EMC10: variants seen among roughly 807,000 people sequenced by gnomAD.
The protein encoded by EMC10 is ER membrane protein complex subunit 10.
A neutral mutation model predicts 32.2 loss-of-function variants in EMC10; 40 were observed. The observed-to-expected ratio is 1.24, with a 90% confidence interval of 0.96 to 1.61. The LOEUF is 1.61. Among genes scored for constraint, EMC10 ranks in the 40% most tolerant of loss-of-function variants. The probability of loss-of-function intolerance (pLI) is 0.00; values close to 1 mark genes in which losing one functional copy is unlikely to be tolerated. For missense variants in EMC10, 402 were observed against 357.7 expected (o/e 1.12, Z -1.00); for synonymous variants, 178 against 158.4 (o/e 1.12, Z -0.93).
At chr19:50,479,833 C>T (rs977601933) in intron 3 of EMC10, among the ~76,000 whole-genome samples, 8 of 152,256 alleles carry the variant, frequency 5.3e-5, no homozygotes, top group Admixed American at 2.0e-4. Context: ...ACAGGGAAGG[C>T]GTCCTCAGGA....
Position 50,482,718 on chromosome 19 carries a change from C to T in EMC10, c.*459C>T, listed in dbSNP as rs1039321203. The T allele has an allele frequency of 1.7e-5, 8 of 479,834 alleles. No homozygotes were observed. Among genetic ancestry groups the T allele is most frequent in the Non-Finnish European group, 2.9e-5 (8 of 273,110 alleles). The allele number at this position is 479,834 out of a possible 1,614,324, so 29.7% of individuals were successfully genotyped here. A position where few individuals can be genotyped will look rare whatever the true frequency, so the allele number is the denominator to read the frequency against. ...TCCTGCAGCGCCCCCCTCACTTTGA[C>T]ACTGGACTAGGATGCAGCCTCCCTT... On this transcript the variant is annotated 3_prime_UTR_variant, in exon 7 of 7. Transcript: ENST00000334976.
rs1978492457 is a variant in EMC10 at position 50,488,906 on chromosome 19, G to A, written c.*6647G>A. The A allele has an allele frequency of 6.6e-6, 1 of 150,464 alleles. No homozygotes were observed. Among genetic ancestry groups the A allele is most frequent in the Admixed American group, 6.7e-5 (1 of 14,932 alleles). 9.3% of individuals were successfully genotyped at this position (150,464 alleles called of 1,614,324 possible). The stretch of plus-strand genomic sequence containing the variant: ...GCGAGAAAAAGAGAACAGGAAGAGG[G>A]GAAAAGAGAAGAAATGGGAGAGGGA... On this transcript the variant is annotated 3_prime_UTR_variant, in exon 7 of 7. Coordinates refer to ENST00000334976, the MANE Select transcript of EMC10 (RefSeq NM_206538.4).
Position 50,481,381 on chromosome 19 carries a change from C to T in EMC10, c.678+404C>T, listed in dbSNP as rs374029182. 1.8e-4 allele frequency: 39 copies of T among 218,360 alleles called. No homozygotes were observed. The South Asian group carries it at 4.4e-3, about 25-fold the overall frequency. 13.5% of individuals were successfully genotyped at this position (218,360 alleles called of 1,614,324 possible). A position where few individuals can be genotyped will look rare whatever the true frequency, so the allele number is the denominator to read the frequency against. On this transcript the variant is annotated intron_variant, in intron 6 of 6. Transcript: ENST00000334976. ...GTGGCCCAGGGAGGGGCATTGGGGG[C>T]AGCAGGGTGCCTGGGAGGCCTCCTG...
rs1222321100 is a variant in EMC10 at position 50,488,488 on chromosome 19, G to C, written c.*6229G>C. ...AGAGGGTGGGTGCCATGGCTGGTGA[G>C]CTCGGAGAAGAGGGAAGCAGAGAAA... On this transcript the variant is annotated 3_prime_UTR_variant, in exon 7 of 7. Coordinates refer to ENST00000334976, the MANE Select transcript of EMC10 (RefSeq NM_206538.4). The C allele has an allele frequency of 6.8e-6, 1 of 148,012 alleles. No homozygotes were observed. Among genetic ancestry groups the C allele is most frequent in the Non-Finnish European group, 1.5e-5 (1 of 67,142 alleles). The allele number at this position is 148,012 out of a possible 1,614,324, so 9.2% of individuals were successfully genotyped here.
chr19:50,480,245 C>A lies in EMC10; in HGVS notation c.402+30C>A. On this transcript the variant is annotated intron_variant, in intron 4 of 6. Transcript: ENST00000334976. The surrounding 1 kb of genome is among the most constrained non-coding windows in gnomAD (Gnocchi z 4.4). ...GTTGGTGTCGGGGATGAGCCCCCTT[C>A]TCCCTCGTCCTCCTCATCCCCTACC... The A allele has an allele frequency of 6.4e-7, 1 of 1,574,254 alleles. No individual in the cohort carries two copies. The highest frequency in any genetic ancestry group is 8.7e-7 in the Non-Finnish European group (1 of 1,149,276).
Position 50,476,586 on chromosome 19 carries a change from C to T in EMC10, c.42C>T (p.Leu14=). ...CTGGGGCAACCCGGCTGCTCCTGCTCTTGCTGATGGCGGTAGCAGCGCCCA... is the reference window on the plus strand; with the variant it reads ...CTGGGGCAACCCGGCTGCTCCTGCTTTTGCTGATGGCGGTAGCAGCGCCCA... ...ASAGATRLLL[L]LLMAVAAPSR... The change falls in exon 1 of 7, where the codon CTC becomes CTT. Residue 14 remains leucine (L), a synonymous_variant. Transcript: ENST00000334976. The T allele has an allele frequency of 6.3e-7, 1 of 1,575,872 alleles. No homozygotes were observed. The highest frequency in any genetic ancestry group is 8.6e-7 in the Non-Finnish European group (1 of 1,166,500).
rs891909792 is a variant in EMC10 at position 50,485,766 on chromosome 19, C to T, written c.*3507C>T. 2 of 151,414 alleles carry T rather than the reference C, an allele frequency of 1.3e-5. No homozygotes were observed. The highest frequency in any genetic ancestry group is 2.9e-5 in the Non-Finnish European group (2 of 68,468). The allele number at this position is 151,414 out of a possible 1,614,324, so 9.4% of individuals were successfully genotyped here. On this transcript the variant is annotated 3_prime_UTR_variant, in exon 7 of 7. Coordinates refer to ENST00000334976, the MANE Select transcript of EMC10 (RefSeq NM_206538.4). ...GAGCTGACCTCACTACTCCCCTGCT[C>T]ACAGCCCTCCGCGTGGCCTCTCACC... is the stretch of plus-strand genomic sequence containing the variant.
At position 50,480,986 on chromosome 19, in the gene EMC10, G is replaced by T. The variant is rs371046380; in HGVS notation, c.678+9G>T. 3.8e-6 allele frequency: 6 copies of T among 1,599,628 alleles called. No individual in the cohort carries two copies. Among genetic ancestry groups the T allele is most frequent in the Non-Finnish European group, 5.1e-6 (6 of 1,170,498 alleles). On this transcript the variant is annotated intron_variant, in intron 6 of 6. Transcript: ENST00000334976. This position sits in a 1 kb window ranked among gnomAD's most constrained non-coding sequence, Gnocchi z 4.4. The stretch of plus-strand genomic sequence containing the variant: ...CCTTCTTCGCCAAATACGTGAGTGG[G>T]GCTCCCCCGCCTCCCCTATTCCCTT...
chr19:50,480,873 C>T lies in EMC10; in HGVS notation c.585-11C>T. 1.3e-6 allele frequency: 2 copies of T among 1,596,828 alleles called. No individual in the cohort carries two copies. The highest frequency in any genetic ancestry group is 1.7e-6 in the Non-Finnish European group (2 of 1,168,770). Reference sequence around the variant, plus strand: ...GGGCCTCACCCTTCTCCTCCTCTCCCCTTGCCCCAGCCCTGAGACGGCGGC... The same window carrying T: ...GGGCCTCACCCTTCTCCTCCTCTCCTCTTGCCCCAGCCCTGAGACGGCGGC... On this transcript the variant is annotated splice_polypyrimidine_tract_variant and intron_variant, in intron 5 of 6. Coordinates refer to ENST00000334976, the MANE Select transcript of EMC10 (RefSeq NM_206538.4). This position sits in a 1 kb window ranked among gnomAD's most constrained non-coding sequence, Gnocchi z 4.4.
In EMC10 at chr19:50,490,119, A is replaced by G. The variant is rs1190275767; in HGVS notation, c.*7860A>G. ...TAGGAACCTGGATAAAATAGTCTTA[A>G]CAATTTTTTTTTTGAGACGGAGTCT... is the stretch of plus-strand genomic sequence containing the variant. On this transcript the variant is annotated 3_prime_UTR_variant, in exon 7 of 7. Transcript: ENST00000334976. 3 of 76,256 alleles carry G rather than the reference A, an allele frequency of 3.9e-5. No homozygotes were observed. The highest frequency in any genetic ancestry group is 4.8e-4 in the South Asian group (1 of 2,080). 4.7% of individuals were successfully genotyped at this position (76,256 alleles called of 1,614,324 possible).
chr19:50,484,011 A>G lies in EMC10; in HGVS notation c.*1752A>G, dbSNP rs1601330573. The G allele has an allele frequency of 1.2e-5, 1 of 84,496 alleles. No homozygotes were observed. Among genetic ancestry groups the G allele is most frequent in the African/African-American group, 4.3e-5 (1 of 23,128 alleles). The allele number at this position is 84,496 out of a possible 1,614,324, so 5.2% of individuals were successfully genotyped here. ...TTCCTAGAGGATTCCAGAAATATTT[A>G]CTAATGCTTTTTTTTTTTTTTTTTT... On this transcript the variant is annotated 3_prime_UTR_variant, in exon 7 of 7. Coordinates refer to ENST00000334976, the MANE Select transcript of EMC10 (RefSeq NM_206538.4).
rs1978588164 is a variant in EMC10 at position 50,490,673 on chromosome 19, C to G, written c.*8414C>G. Reference sequence around the variant, plus strand: ...CGGAGGAACATGCCCTCCGCCTAGTCCCTGACATCCTTTTCACATCCAACA... The same window carrying G: ...CGGAGGAACATGCCCTCCGCCTAGTGCCTGACATCCTTTTCACATCCAACA... On this transcript the variant is annotated 3_prime_UTR_variant, in exon 7 of 7. Coordinates refer to ENST00000334976, the MANE Select transcript of EMC10 (RefSeq NM_206538.4). 6.6e-6 allele frequency: 1 copy of G among 152,036 alleles called. No individual in the cohort carries two copies. The highest frequency in any genetic ancestry group is 1.5e-5 in the Non-Finnish European group (1 of 68,028). 9.4% of individuals were successfully genotyped at this position (152,036 alleles called of 1,614,324 possible).
At chr19:50,478,868 G>A (rs899365109) in intron 2 of EMC10, 89 bp from the exon 3 acceptor site, 19 of 1,020,806 alleles carry the variant, frequency 1.9e-5, no homozygotes, top group Admixed American at 1.3e-4. Flanking sequence ...TGGAGGCCAG[G>A]CCAAAATTTG....
Position 50,487,493 on chromosome 19 carries a change from A to C in EMC10, c.*5234A>C, listed in dbSNP as rs1008178844. The C allele has an allele frequency of 3.3e-5, 5 of 152,398 alleles. No homozygotes were observed. Among genetic ancestry groups the C allele is most frequent in the Non-Finnish European group, 7.3e-5 (5 of 68,172 alleles). The allele number at this position is 152,398 out of a possible 1,614,324, so 9.4% of individuals were successfully genotyped here. A position where few individuals can be genotyped will look rare whatever the true frequency, so the allele number is the denominator to read the frequency against. ...GGCCTGATTCCTCCAGGCAGTGTCC[A>C]GAGTTCCGGACAGATGGAAAAGGAA... On this transcript the variant is annotated 3_prime_UTR_variant, in exon 7 of 7. Coordinates refer to ENST00000334976, the MANE Select transcript of EMC10 (RefSeq NM_206538.4).
rs886805406 is a variant in EMC10 at position 50,479,016 on chromosome 19, T to G, written c.247T>G (p.Leu83Val). 1 of 1,611,332 alleles carries G rather than the reference T, an allele frequency of 6.2e-7. No individual in the cohort carries two copies. The highest frequency in any genetic ancestry group is 8.5e-7 in the Non-Finnish European group (1 of 1,179,588). Residue 83 changes from leucine to valine, a missense_variant, in exon 3 of 7, where the codon TTG (leucine) becomes GTG (valine). Leu to Val is a conservative substitution (Grantham distance 32). Transcript: ENST00000334976. ...SLLWNQQDGTLSLSQRQLSEE... is the reference protein window; with the variant it reads ...SLLWNQQDGTVSLSQRQLSEE... Reference sequence around the variant, plus strand: ...GCTCTGGAACCAGCAGGATGGTACCTTGTCCCTGTCACAGCGGCAGCTCAG... The same window carrying G: ...GCTCTGGAACCAGCAGGATGGTACCGTGTCCCTGTCACAGCGGCAGCTCAG...
chr19:50,487,770 G>A lies in EMC10; in HGVS notation c.*5511G>A, dbSNP rs1448490865. 2 of 152,592 alleles carry A rather than the reference G, an allele frequency of 1.3e-5. No individual in the cohort carries two copies. Among genetic ancestry groups the A allele is most frequent in the East Asian group, 3.9e-4 (2 of 5,180 alleles). The allele number at this position is 152,592 out of a possible 1,614,324, so 9.5% of individuals were successfully genotyped here. ...AGTGGGAGTGAGAGCTTGAAGGAGA[G>A]AGAGCCAGGAGAGGAGACAGGTCCA... is the stretch of plus-strand genomic sequence containing the variant. On this transcript the variant is annotated 3_prime_UTR_variant, in exon 7 of 7. Transcript: ENST00000334976.
intron 6 of EMC10, chr19:50,481,207 T>G: frequency 2.0e-6 from 1 of 488,634 alleles, no homozygotes; most frequent in Non-Finnish European, 3.6e-6. Flanking sequence ...CTGGGGGAGG[T>G]CTCGGCCTGA....
In EMC10 at chr19:50,481,000, C is replaced by G. The variant is rs1334735349; in HGVS notation, c.678+23C>G. 3.2e-6 allele frequency: 5 copies of G among 1,572,442 alleles called. No homozygotes were observed. The highest frequency in any genetic ancestry group is 4.3e-6 in the Non-Finnish European group (5 of 1,150,632). On this transcript the variant is annotated intron_variant, in intron 6 of 6. Transcript: ENST00000334976. The surrounding 1 kb of genome is among the most constrained non-coding windows in gnomAD (Gnocchi z 4.4). ...TACGTGAGTGGGGCTCCCCCGCCTC[C>G]CCTATTCCCTTCCTGACAGTCCCGG... is the stretch of plus-strand genomic sequence containing the variant.
In EMC10 at chr19:50,480,535, C is replaced by T. The variant is rs1389373925; in HGVS notation, c.403-46C>T. On this transcript the variant is annotated intron_variant, in intron 4 of 6. Coordinates refer to ENST00000334976, the MANE Select transcript of EMC10 (RefSeq NM_206538.4). The surrounding 1 kb of genome is among the most constrained non-coding windows in gnomAD (Gnocchi z 4.4). ...GGGCCGGGGGAGGTTAGGGTGGAGCCCAGGCAGCAGGCTCCCCACCTCCAC... is the reference window on the plus strand; with the variant it reads ...GGGCCGGGGGAGGTTAGGGTGGAGCTCAGGCAGCAGGCTCCCCACCTCCAC... 1.9e-6 allele frequency: 3 copies of T among 1,540,090 alleles called. No individual in the cohort carries two copies. The highest frequency in any genetic ancestry group is 2.6e-6 in the Non-Finnish European group (3 of 1,140,632).
Sources: allele counts gnomAD v4.1 joint callset (sites outside exome capture counted in the v4.1 genomes callset), GRCh38; gene constraint gnomAD v4.1.1; non-coding constraint Gnocchi (gnomAD v3.1); transcripts MANE v1.5; gene names NCBI Gene and HGNC (gene_info 2026-07-23, HGNC 2026-07-21).